The following FAP variants were observed in gnomAD, a reference collection of about 807,000 sequenced individuals.
FAP encodes prolyl endopeptidase FAP.
Under a neutral mutation model 126.5 loss-of-function variants are expected in FAP, and 110 were observed. The observed-to-expected ratio is 0.87, with a 90% CI of 0.74 to 1.02. The LOEUF (loss-of-function observed/expected upper bound fraction) is 1.02. Ranked by LOEUF, FAP falls within the 50% of genes least tolerant of loss-of-function variation. The probability of loss-of-function intolerance (pLI) is 0.00; values close to 1 mark genes in which losing one functional copy is unlikely to be tolerated. For missense variants in FAP, 919 were observed against 909.2 expected, an observed-to-expected ratio of 1.01 and a Z score of -0.14; for synonymous variants, 334 against 297.3, an observed-to-expected ratio of 1.12 and a Z score of -1.27.
At chr2:162,189,572 G>A in intron 18 of FAP, 84 bp downstream of exon 18, 1 of 725,292 alleles carries the variant, frequency 1.4e-6, no homozygotes, top group Non-Finnish European at 2.4e-6. Context: ...AATTTGCACT[G>A]TAACATTCAC....
chr2:162,226,492 A>G, intron 3 of FAP, 31 bp downstream of exon 3: 1 of 1,214,934 alleles, frequency 8.2e-7, no homozygotes, highest in Middle Eastern at 2.4e-4. Context: ...AATACATAAA[A>G]AAAACCCCTA....
intron 9 of FAP, among the ~76,000 whole-genome samples, chr2:162,216,445 A>G (rs1030711880): frequency 6.6e-6 from 1 of 152,170 alleles, no homozygotes; most frequent in East Asian, 1.9e-4. Flanking sequence ...TGCTTTTGCC[A>G]TATGATTTGG....
At chr2:162,175,411 G>A (rs1409313370) in intron 21 of FAP, 1 of 152,938 alleles carries the variant, frequency 6.5e-6, no homozygotes, top group African/African-American at 2.4e-5. Context: ...GTTCTGTGAG[G>A]CAGAACATGT....
At chr2:162,232,861 G>A (rs369806012) in intron 2 of FAP, among the ~76,000 whole-genome samples, 3 of 152,242 alleles carry the variant, frequency 2.0e-5, no homozygotes, top group African/African-American at 7.2e-5. Flanking sequence ...TGACCCTCTG[G>A]TGACTCTGAA....
chr2:162,174,478 A>G (rs1197040177), intron 22 of FAP, among the ~76,000 whole-genome samples: 2 of 152,190 alleles, frequency 1.3e-5, no homozygotes, highest in African/African-American at 4.8e-5. Context: ...TGGAACTGGC[A>G]ATTGCTAACT....
chr2:162,228,049 A>T (rs1217170755), intron 2 of FAP, among the ~76,000 whole-genome samples: 1 of 152,206 alleles, frequency 6.6e-6, no homozygotes, highest in African/African-American at 2.4e-5. Flanking sequence ...TAATCAAAAC[A>T]GTTACCATAA....
At chr2:162,212,490 T>A (rs560483255) in intron 11 of FAP, among the ~76,000 whole-genome samples, 103 of 152,286 alleles carry the variant, frequency 6.8e-4, no homozygotes, top group Non-Finnish European at 1.3e-3. Context: ...AAAAATACGC[T>A]TCTAGCATAT....
At chr2:162,188,453 A>G in intron 19 of FAP, 90 bp from the exon 20 acceptor site, 1 of 1,081,262 alleles carries the variant, frequency 9.2e-7, no homozygotes, top group East Asian at 2.5e-5. Context: ...TAGTAATTCC[A>G]GTACAATTAT....
chr2:162,236,519 T>C (rs550861129), intron 2 of FAP, among the ~76,000 whole-genome samples: 1 of 152,104 alleles, frequency 6.6e-6, no homozygotes, highest in East Asian at 1.9e-4. Context: ...ACCACTCATG[T>C]TTTCTGTTTC....
intron 9 of FAP, among the ~76,000 whole-genome samples, chr2:162,216,259 T>C (rs930069589): frequency 6.6e-6 from 1 of 152,138 alleles, no homozygotes; most frequent in Admixed American, 6.5e-5. Context: ...ATAGGGAAAA[T>C]CATTTTGGAT....
chr2:162,194,592 C>T (rs1021586467), intron 17 of FAP, 109 bp downstream of exon 17: 15 of 899,872 alleles, frequency 1.7e-5, no homozygotes, highest in Admixed American at 5.5e-5. Flanking sequence ...AGGATTCCAT[C>T]GCAGTTCCCC....
At chr2:162,208,635 G>A (rs1251585419) in intron 12 of FAP, among the ~76,000 whole-genome samples, 1 of 152,042 alleles carries the variant, frequency 6.6e-6, no homozygotes, top group Non-Finnish European at 1.5e-5. Context: ...TTTGTAATGG[G>A]AGTGAATTGG....
chr2:162,231,372 T>C (rs1435827292), intron 2 of FAP, among the ~76,000 whole-genome samples: 1 of 152,220 alleles, frequency 6.6e-6, no homozygotes, highest in African/African-American at 2.4e-5. Flanking sequence ...TAAATGTAAT[T>C]ACTTGATGAT....
At chr2:162,198,374 C>A (rs1688346730) in intron 16 of FAP, 1 of 1,277,520 alleles carries the variant, frequency 7.8e-7, no homozygotes, top group Non-Finnish European at 1.0e-6. Context: ...GAGAACATTT[C>A]TTTTTCTGCG....
intron 7 of FAP, 63 bp downstream of exon 7, chr2:162,219,790 C>T: frequency 8.6e-7 from 1 of 1,165,508 alleles, no homozygotes; most frequent in Non-Finnish European, 1.3e-6. Context: ...TTAACAAAGG[C>T]CAAAATCAAA....
At chr2:162,221,642 T>C (rs1395452279) in intron 6 of FAP, 1 of 456,552 alleles carries the variant, frequency 2.2e-6, no homozygotes, top group South Asian at 1.5e-5. Context: ...TGGAATTATC[T>C]ATGCAATCAC....
rs141166072 is a variant in FAP, at chr2:162,170,975, G to T, written c.*4C>A. 1.2e-6 allele frequency: 2 copies of T among 1,610,686 alleles called. No individual in the cohort carries two copies. Among genetic ancestry groups the T allele is most frequent in the African/African-American group, 2.7e-5 (2 of 74,904 alleles). On this transcript the variant is annotated 3_prime_UTR_variant, in exon 26 of 26. Coordinates refer to ENST00000188790, the MANE Select transcript of FAP (RefSeq NM_004460.5). Reference sequence around the variant, plus strand: ...TCTGATACAGGCTTGCATCTGCATCGTTTTTAGTCTGACAAAGAGAAACAC... The same window carrying T: ...TCTGATACAGGCTTGCATCTGCATCTTTTTTAGTCTGACAAAGAGAAACAC...
At chr2:162,230,884 C>T (rs542467133) in intron 2 of FAP, among the ~76,000 whole-genome samples, 1 of 152,208 alleles carries the variant, frequency 6.6e-6, no homozygotes, top group African/African-American at 2.4e-5. Flanking sequence ...ACTCCTGTGC[C>T]TATAGGAATC....
At chr2:162,196,272 T>C (rs1180261006) in intron 16 of FAP, among the ~76,000 whole-genome samples, 1 of 152,224 alleles carries the variant, frequency 6.6e-6, no homozygotes, top group Non-Finnish European at 1.5e-5. Flanking sequence ...TAGTATTTAT[T>C]AGGCTCCCTC....
Sources: gnomAD v4.1 joint callset for allele counts (sites outside exome capture counted in the v4.1 genomes callset) on GRCh38, gnomAD v4.1.1 for gene constraint, MANE v1.5 for transcripts, NCBI Gene and HGNC (gene_info 2026-07-23, HGNC 2026-07-21) for gene names.